The following BMPER variants were observed in gnomAD, a reference collection of about 807,000 sequenced individuals.
The protein encoded by BMPER is BMP-binding endothelial regulator protein.
In BMPER, 45 loss-of-function variants were observed where a neutral mutation model predicts 87.3. The observed-to-expected ratio is 0.52, with a 90% confidence interval of 0.41 to 0.66. The LOEUF (loss-of-function observed/expected upper bound fraction) is 0.66, where lower values mean the gene tolerates loss of function less well. Ranked by LOEUF, BMPER falls within the 30% of genes least tolerant of loss-of-function variation. The pLI is 0.00. For synonymous variants in BMPER, 326 were observed against 316.2 expected, an observed-to-expected ratio of 1.03 and a Z score of -0.33; for missense variants, 784 against 867.5, an observed-to-expected ratio of 0.90 and a Z score of 1.21.
chr7:34,072,663 A>G (rs1380322969), intron 11 of BMPER, among the ~76,000 whole-genome samples: 4 of 152,118 alleles, frequency 2.6e-5, no homozygotes, highest in Admixed American at 1.3e-4. Flanking sequence ...CCATTTGCAA[A>G]CTTAATTCCC....
intron 6 of BMPER, among the ~76,000 whole-genome samples, chr7:33,990,522 C>A (rs1464611666): frequency 6.7e-6 from 1 of 149,262 alleles, no homozygotes; most frequent in Non-Finnish European, 1.5e-5. Context: ...TGGGCTGAGA[C>A]AATGGGGTTT....
At chr7:34,139,938 A>G (rs1790820319) in intron 13 of BMPER, among the ~76,000 whole-genome samples, 1 of 152,036 alleles carries the variant, frequency 6.6e-6, no homozygotes, top group Admixed American at 6.5e-5. Flanking sequence ...AGGCATTACT[A>G]TTTCCTTAGG....
intron 10 of BMPER, among the ~76,000 whole-genome samples, chr7:34,061,575 C>T (rs891008861): frequency 6.6e-6 from 1 of 152,154 alleles, no homozygotes; most frequent in African/African-American, 2.4e-5. Context: ...TAAGCTTCTC[C>T]AACAAGCAAA....
intron 6 of BMPER, among the ~76,000 whole-genome samples, chr7:34,034,437 T>C (rs1182526611): frequency 6.6e-6 from 1 of 152,148 alleles, no homozygotes; most frequent in African/African-American, 2.4e-5. Context: ...TCTTCTGCCA[T>C]GTCTGTCTGC....
rs1286522834 is a variant in BMPER, at chr7:33,989,650, T to A, written c.576+14866T>A. ...TCCCATTTGTCAATTTTGCCTTTTG[T>A]TGCCATTGCTTTTGGTGTTTTGGAC... On this transcript the variant is annotated intron_variant, in intron 6 of 14. Transcript: ENST00000649409. Among the ~76,000 whole-genome samples, 6 of 152,356 alleles carry A rather than the reference T, an allele frequency of 3.9e-5. No homozygotes were observed. The East Asian group carries it at 1.2e-3, about 29-fold the overall frequency.
At chr7:33,929,654 C>T (rs1784436209) in intron 2 of BMPER, among the ~76,000 whole-genome samples, 2 of 152,142 alleles carry the variant, frequency 1.3e-5, no homozygotes, top group African/African-American at 4.8e-5. Flanking sequence ...ATATCAGAGT[C>T]CTGGGTTTGA....
At chr7:34,086,209 G>A (rs2127977234) in intron 13 of BMPER, 117 bp downstream of exon 13, 2 of 1,195,556 alleles carry the variant, frequency 1.7e-6, no homozygotes, top group South Asian at 2.6e-5. Context: ...ACCCAGGGTA[G>A]GCATCTTCTT....
intron 3 of BMPER, among the ~76,000 whole-genome samples, chr7:33,956,293 CT>C (rs1785146372): frequency 6.6e-6 from 1 of 151,996 alleles, no homozygotes; most frequent in South Asian, 2.1e-4. Flanking sequence ...AACAAAAAAT[CT>C]AATTAGAAAT....
At position 34,128,018 on chromosome 7, in the gene BMPER, T is replaced by C. The variant is rs115706839; in HGVS notation, c.1746-15212T>C. On this transcript the variant is annotated intron_variant, in intron 13 of 14. Transcript: ENST00000649409. ...CTTCTGATTACTTAAATAATGTTTGTGCTTCATAGTTTGGCATACAAGGAA... is the reference window on the plus strand; with the variant it reads ...CTTCTGATTACTTAAATAATGTTTGCGCTTCATAGTTTGGCATACAAGGAA... 4.8e-3 allele frequency among the ~76,000 whole-genome samples: 731 copies of C among 152,328 alleles called. 6 individuals carry two copies. The highest frequency in any genetic ancestry group is 0.016 in the African/African-American group (653 of 41,576).
intron 2 of BMPER, among the ~76,000 whole-genome samples, chr7:33,919,953 A>ATCTATCTATC (rs148992679): frequency 6.6e-6 from 1 of 151,960 alleles, no homozygotes; most frequent in African/African-American, 2.4e-5. Flanking sequence ...CTATCTATCT[A>ATCTATCTATC]TATGTATTTA....
intron 6 of BMPER, among the ~76,000 whole-genome samples, chr7:34,013,809 A>G (rs769024291): frequency 6.6e-6 from 1 of 151,910 alleles, no homozygotes; most frequent in Admixed American, 6.6e-5. Flanking sequence ...CCTTCCCCCT[A>G]TGAGTTATAG....
At chr7:34,111,337 T>A in intron 13 of BMPER, among the ~76,000 whole-genome samples, 1 of 152,250 alleles carries the variant, frequency 6.6e-6, no homozygotes, top group East Asian at 1.9e-4. Flanking sequence ...TTTGTTCAAA[T>A]TTAATTGGTT....
At chr7:34,072,482 C>A in intron 11 of BMPER, among the ~76,000 whole-genome samples, 1 of 151,638 alleles carries the variant, frequency 6.6e-6, no homozygotes, top group East Asian at 1.9e-4. Flanking sequence ...GCCCACATTC[C>A]TTGGCTCCTG....
intron 6 of BMPER, among the ~76,000 whole-genome samples, chr7:34,035,985 G>A (rs964450446): frequency 2.0e-5 from 3 of 152,126 alleles, no homozygotes; most frequent in Admixed American, 6.6e-5. Context: ...GCCTCCGTTC[G>A]GCTTTCTTCT....
At chr7:34,021,403 C>T (rs1359578694) in intron 6 of BMPER, among the ~76,000 whole-genome samples, 1 of 152,002 alleles carries the variant, frequency 6.6e-6, no homozygotes. Flanking sequence ...TTTATGTAGT[C>T]ATGACCCTAA....
chr7:33,954,864 C>T (rs1785113081), intron 3 of BMPER, among the ~76,000 whole-genome samples: 1 of 152,146 alleles, frequency 6.6e-6, no homozygotes, highest in Admixed American at 6.5e-5. Context: ...GCAGTCTCTT[C>T]CACAGTTCCT....
At chr7:33,931,038 C>G (rs574971395) in intron 2 of BMPER, among the ~76,000 whole-genome samples, 16 of 152,304 alleles carry the variant, frequency 1.1e-4, no homozygotes, top group Middle Eastern at 3.4e-3. Context: ...TCTCTTCATT[C>G]TAGAACCTTG....
intron 6 of BMPER, among the ~76,000 whole-genome samples, chr7:33,977,167 T>C (rs79272565): frequency 0.021 from 3,217 of 152,276 alleles, 108 homozygotes; most frequent in African/African-American, 0.073. Flanking sequence ...AAGAGCAGTT[T>C]TTCTTTTATG....
chr7:33,914,106 G>T (rs1298706156), intron 2 of BMPER, among the ~76,000 whole-genome samples: 1 of 151,648 alleles, frequency 6.6e-6, no homozygotes, highest in Non-Finnish European at 1.5e-5. Flanking sequence ...GGGACTACAG[G>T]CGCCCGCCAC....
Sources: allele counts gnomAD v4.1 joint callset (sites outside exome capture counted in the v4.1 genomes callset), GRCh38; gene constraint gnomAD v4.1.1; transcripts MANE v1.5; gene names NCBI Gene and HGNC (gene_info 2026-07-23, HGNC 2026-07-21).